Variants in HDAC9 observed in about 807,000 individuals in gnomAD.
HDAC9 encodes the protein MEF-2 interacting transcription repressor (MITR) protein.
In HDAC9, 41 loss-of-function variants were observed where a neutral mutation model predicts 139.4. That is an observed-to-expected ratio of 0.29 (90% CI 0.23 to 0.38). HDAC9 has a LOEUF of 0.38. Ranked by LOEUF, HDAC9 falls within the 10% of genes least tolerant of loss-of-function variation. The probability of loss-of-function intolerance (pLI) is 1.00; values close to 1 mark genes in which losing one functional copy is unlikely to be tolerated. For synonymous variants in HDAC9, 517 were observed against 476.2 expected (o/e 1.09, Z -1.12); for missense variants, 1,147 against 1,297.0 (o/e 0.88, Z 1.78).
rs1331770874 is a variant in HDAC9, at chr7:18,619,950, C to T, written c.665-9400C>T. ...ATGAATGTCTGCCTTTCAGCCACAA[C>T]ACTCTGCTTATACCTATCACGTGGC... On this transcript the variant is annotated intron_variant, in intron 6 of 25. Transcript: ENST00000686413. Among the ~76,000 whole-genome samples, 3 of 152,248 alleles carry T rather than the reference C, an allele frequency of 2.0e-5. No homozygotes were observed. The East Asian group carries it at 5.8e-4, about 29-fold the overall frequency.
At chr7:18,823,285 G>A (rs1459825248) in intron 17 of HDAC9, among the ~76,000 whole-genome samples, 1 of 152,156 alleles carries the variant, frequency 6.6e-6, no homozygotes, top group Non-Finnish European at 1.5e-5. Flanking sequence ...GGAATGAGCA[G>A]GGTAGGAGAT....
intron 24 of HDAC9, among the ~76,000 whole-genome samples, chr7:18,967,489 T>TAA (rs1389913881): frequency 1.9e-4 from 23 of 120,332 alleles, no homozygotes; most frequent in Non-Finnish European, 3.7e-4. Flanking sequence ...TTTTTGTAAA[T>TAA]AAAGTTGCCC....
At chr7:18,205,554 G>A (rs1351960841) in intron 2 of HDAC9, among the ~76,000 whole-genome samples, 1 of 152,016 alleles carries the variant, frequency 6.6e-6, no homozygotes, top group East Asian at 1.9e-4. Context: ...CGAGGTGACA[G>A]TATATTTTTA....
intron 2 of HDAC9, among the ~76,000 whole-genome samples, chr7:18,573,076 G>C (rs531934807): frequency 8.5e-5 from 13 of 152,254 alleles, no homozygotes; most frequent in Non-Finnish European, 1.6e-4. Flanking sequence ...GGTTATTTTT[G>C]TTTCCTGTTC....
chr7:18,897,488 T>C (rs944537054), intron 22 of HDAC9, among the ~76,000 whole-genome samples: 3 of 151,938 alleles, frequency 2.0e-5, no homozygotes, highest in Non-Finnish European at 2.9e-5. Context: ...CTAAAAATTG[T>C]TTAAAGAATG....
chr7:18,790,349 T>C (rs1276665624), intron 16 of HDAC9, among the ~76,000 whole-genome samples: 1 of 152,182 alleles, frequency 6.6e-6, no homozygotes, highest in Non-Finnish European at 1.5e-5. Flanking sequence ...AGGTACTGTG[T>C]GCTAATCCAA....
intron 1 of HDAC9, among the ~76,000 whole-genome samples, chr7:18,432,492 A>T (rs997417372): frequency 6.6e-6 from 1 of 152,214 alleles, no homozygotes; most frequent in Non-Finnish European, 1.5e-5. Flanking sequence ...TTCTCATCAC[A>T]TTCCTCATGA....
chr7:18,928,936 T>G (rs2717339), intron 22 of HDAC9, among the ~76,000 whole-genome samples: 67,453 of 151,574 alleles, frequency 0.45, 15,421 homozygotes, highest in Non-Finnish European at 0.48. Flanking sequence ...TCCAAATTTC[T>G]TACAACGAGA....
intron 17 of HDAC9, among the ~76,000 whole-genome samples, chr7:18,818,581 C>T (rs1585093440): frequency 6.6e-6 from 1 of 152,138 alleles, no homozygotes; most frequent in Non-Finnish European, 1.5e-5. Flanking sequence ...TAGTAAGTAG[C>T]TAGCAGGACT....
At chr7:18,270,839 A>G (rs1015482604) in intron 2 of HDAC9, among the ~76,000 whole-genome samples, 14 of 152,090 alleles carry the variant, frequency 9.2e-5, no homozygotes, top group Non-Finnish European at 7.4e-5. Context: ...AGTGAATTTT[A>G]TATCATCATT....
Position 18,620,865 on chromosome 7 carries a change from CATT to C in HDAC9, c.665-8484_665-8482del, listed in dbSNP as rs561298503. 2.3e-3 allele frequency among the ~76,000 whole-genome samples: 350 copies of C among 152,222 alleles called. 4 individuals are homozygous for C. Among genetic ancestry groups the C allele is most frequent in the Admixed American group, 0.021 (318 of 15,274 alleles). ...TTTTCCCGATATGTAAAGAGGTTAT[CATT>C]GTTGTTTCCATCTGTGATAAACGTT... On this transcript the variant is annotated intron_variant, in intron 6 of 25. Coordinates refer to ENST00000686413, the MANE Select transcript of HDAC9 (RefSeq NM_178425.4).
chr7:18,202,314 C>T (rs900791288), intron 2 of HDAC9, among the ~76,000 whole-genome samples: 1 of 151,996 alleles, frequency 6.6e-6, no homozygotes, highest in Non-Finnish European at 1.5e-5. Context: ...TTTAAATCTT[C>T]TACATTAGCT....
intron 2 of HDAC9, chr7:18,162,374 G>C: frequency 6.5e-7 from 1 of 1,527,216 alleles, no homozygotes; most frequent in Non-Finnish European, 8.8e-7. Flanking sequence ...TTCTTAAACT[G>C]TTAATAGACT....
chr7:18,588,675 C>G (rs934839844), intron 3 of HDAC9, among the ~76,000 whole-genome samples: 1 of 152,080 alleles, frequency 6.6e-6, no homozygotes, highest in African/African-American at 2.4e-5. Flanking sequence ...GTCTTGCCCA[C>G]ACACACACCA....
intron 17 of HDAC9, among the ~76,000 whole-genome samples, chr7:18,804,835 C>T (rs1332556052): frequency 6.6e-6 from 1 of 152,186 alleles, no homozygotes; most frequent in Non-Finnish European, 1.5e-5. Context: ...CACTCTGTCA[C>T]CCAGGCTGGT....
intron 2 of HDAC9, among the ~76,000 whole-genome samples, chr7:18,283,024 A>T (rs1797204301): frequency 6.7e-6 from 1 of 149,076 alleles, no homozygotes; most frequent in South Asian, 2.2e-4. Flanking sequence ...CAGCAAGGGG[A>T]GATATTTCAT....
chr7:18,954,187 T>C lies in HDAC9; in HGVS notation c.2979T>C (p.Asn993=). 6.4e-7 allele frequency: 1 copy of C among 1,571,202 alleles called. No individual in the cohort carries two copies. The highest frequency in any genetic ancestry group is 8.7e-7 in the Non-Finnish European group (1 of 1,151,448). The change falls in exon 24 of 26, where the codon AAT becomes AAC. Residue 993 remains asparagine (N), a synonymous_variant. Coordinates refer to ENST00000686413, the MANE Select transcript of HDAC9 (RefSeq NM_178425.4). ...AAGATATTCTCCACCAAAGCCCGAA[T>C]ATGAATGCTGTTATTTCTTTACAGA... ...LAEDILHQSP[N]MNAVISLQKI... is the part of the protein sequence containing the mutation.
At chr7:18,590,852 T>C (rs1456341386) in intron 4 of HDAC9, among the ~76,000 whole-genome samples, 2 of 146,460 alleles carry the variant, frequency 1.4e-5, no homozygotes, top group East Asian at 2.0e-4. Flanking sequence ...TAATAATTGC[T>C]CTCTAAGTAA....
At position 18,835,980 on chromosome 7, in the gene HDAC9, G is replaced by A. The variant is rs1796208742; in HGVS notation, c.2667G>A (p.Glu889=). 5 of 1,560,222 alleles carry A rather than the reference G, an allele frequency of 3.2e-6. No homozygotes were observed. Among genetic ancestry groups the A allele is most frequent in the Non-Finnish European group, 4.3e-6 (5 of 1,149,768 alleles). ...GGLDPPMGDV[E]YLEAFRTIVK... ...TTGATCCTCCCATGGGAGATGTTGA[G>A]TACCTTGAAGCATTCAGGTTGGTAC... Residue 889 remains glutamate (E), a synonymous_variant, in exon 21 of 26, where the codon GAG becomes GAA. Transcript: ENST00000686413.
Sources: gnomAD v4.1 joint callset for allele counts (sites outside exome capture counted in the v4.1 genomes callset) on GRCh38, gnomAD v4.1.1 for gene constraint, MANE v1.5 for transcripts, NCBI Gene and HGNC (gene_info 2026-07-23, HGNC 2026-07-21) for gene names.